Variants in TMEM33 observed in about 807,000 individuals in gnomAD.
The protein encoded by TMEM33 is transmembrane protein 33.
In TMEM33, 16 loss-of-function variants were observed where a neutral mutation model predicts 29.7. The observed-to-expected ratio is 0.54, with a 90% confidence interval of 0.36 to 0.82. The LOEUF (loss-of-function observed/expected upper bound fraction) is 0.82. TMEM33 is among the 40% of genes least tolerant of loss of function. The pLI is 0.00. For missense variants in TMEM33, 252 were observed against 295.3 expected (o/e 0.85, Z 1.08); for synonymous variants, 112 against 109.4 (o/e 1.02, Z -0.15).
intron 6 of TMEM33, among the ~76,000 whole-genome samples, chr4:41,950,005 G>A (rs1712967985): frequency 6.6e-6 from 1 of 152,096 alleles, no homozygotes; most frequent in South Asian, 2.1e-4. Context: ...AGATTAGAAA[G>A]GTATATTGGA....
intron 3 of TMEM33, among the ~76,000 whole-genome samples, chr4:41,941,573 A>T (rs1398857691): frequency 6.6e-6 from 1 of 152,204 alleles, no homozygotes; most frequent in African/African-American, 2.4e-5. Context: ...CTGGTGAAGA[A>T]AACCTTTCTG....
At chr4:41,937,091 A>G (rs1346517863) in intron 1 of TMEM33, among the ~76,000 whole-genome samples, 1 of 147,308 alleles carries the variant, frequency 6.8e-6, no homozygotes, top group African/African-American at 2.5e-5. Flanking sequence ...TGGACAGTTT[A>G]CTCTTAAAAA....
rs924489616 is a variant in TMEM33, at chr4:41,956,746, A to G, written c.*2547A>G. On this transcript the variant is annotated 3_prime_UTR_variant, in exon 7 of 7. Transcript: ENST00000504986. The stretch of plus-strand genomic sequence containing the variant: ...ATACTCATGTTTGACAAGTTGAAAC[A>G]GATTTGTTTCTTAAAGGAAGGTTTA... The G allele has an allele frequency of 2.6e-5, 4 of 152,228 alleles. No individual in the cohort carries two copies. The highest frequency in any genetic ancestry group is 9.6e-5 in the African/African-American group (4 of 41,476). 9.4% of individuals were successfully genotyped at this position (152,228 alleles called of 1,614,324 possible).
rs1240048296 is a variant in TMEM33, at chr4:41,959,861, T to C, written c.*5662T>C. The C allele has an allele frequency of 2.6e-5, 4 of 152,206 alleles. No homozygotes were observed. Among genetic ancestry groups the C allele is most frequent in the Non-Finnish European group, 4.4e-5 (3 of 68,032 alleles). The allele number at this position is 152,206 out of a possible 1,614,324, so 9.4% of individuals were successfully genotyped here. The stretch of plus-strand genomic sequence containing the variant: ...TAAAGGCATTACTTTTGGTGCTTTA[T>C]ATAATGGCATATATTGAACTAAAAA... On this transcript the variant is annotated 3_prime_UTR_variant, in exon 7 of 7. Transcript: ENST00000504986.
In TMEM33 at chr4:41,939,280, A is replaced by G; in HGVS notation, c.225A>G (p.Pro75=). The change falls in exon 3 of 7, where the codon CCA becomes CCG. Residue 75 remains proline (P), a synonymous_variant. Transcript: ENST00000504986. The stretch of plus-strand genomic sequence containing the variant: ...CTCTGAGGCTGCATCAAAGATTACC[A>G]CACTTCCAGTTAAGCAGAGCATTCC... ...TSALRLHQRL[P]HFQLSRAFLA... The G allele has an allele frequency of 6.2e-7, 1 of 1,613,794 alleles. No homozygotes were observed. Among genetic ancestry groups the G allele is most frequent in the Non-Finnish European group, 8.5e-7 (1 of 1,179,918 alleles).
At chr4:41,943,686 A>G (rs1344764537) in intron 3 of TMEM33, 61 bp from the exon 4 acceptor site, 5 of 1,445,002 alleles carry the variant, frequency 3.5e-6, no homozygotes, top group Non-Finnish European at 4.9e-6. Flanking sequence ...GACATAATAC[A>G]TAGTCTGTTT....
intron 2 of TMEM33, 83 bp from the exon 3 acceptor site, chr4:41,939,113 C>T (rs1318166221): frequency 2.9e-6 from 4 of 1,357,134 alleles, no homozygotes; most frequent in Non-Finnish European, 4.0e-6. Context: ...AGGTGTTGTG[C>T]AATTATGATG....
At position 41,954,801 on chromosome 4, in the gene TMEM33, C is replaced by G. The variant is rs1713191091; in HGVS notation, c.*602C>G. The G allele has an allele frequency of 6.6e-6, 1 of 152,556 alleles. No individual in the cohort carries two copies. The highest frequency in any genetic ancestry group is 1.5e-5 in the Non-Finnish European group (1 of 68,034). The allele number at this position is 152,556 out of a possible 1,614,324, so 9.5% of individuals were successfully genotyped here. A position where few individuals can be genotyped will look rare whatever the true frequency, so the allele number is the denominator to read the frequency against. The stretch of plus-strand genomic sequence containing the variant: ...TAAAATTTTATTTCCGTAAGTACTT[C>G]TGTGGCCTTGAGTATTTTTTAAAAG... On this transcript the variant is annotated 3_prime_UTR_variant, in exon 7 of 7. Coordinates refer to ENST00000504986, the MANE Select transcript of TMEM33 (RefSeq NM_018126.3).
In TMEM33 at chr4:41,959,652, A is replaced by G. The variant is rs905013742; in HGVS notation, c.*5453A>G. 1.3e-5 allele frequency: 2 copies of G among 152,064 alleles called. No homozygotes were observed. The highest frequency in any genetic ancestry group is 2.4e-5 in the African/African-American group (1 of 41,408). The allele number at this position is 152,064 out of a possible 1,614,324, so 9.4% of individuals were successfully genotyped here. The stretch of plus-strand genomic sequence containing the variant: ...GACAGTTTAATTCCAAATATTTACT[A>G]TTTTCTCTTGTAACTGTTAGAACAG... On this transcript the variant is annotated 3_prime_UTR_variant, in exon 7 of 7. Coordinates refer to ENST00000504986, the MANE Select transcript of TMEM33 (RefSeq NM_018126.3).
chr4:41,954,255 TCTG>T lies in TMEM33; in HGVS notation c.*59_*61del. 6.3e-7 allele frequency: 1 copy of T among 1,578,526 alleles called. No individual in the cohort carries two copies. ...ATAAGCATTATTAGCAGCTGGTACT[TCTG>T]CTAGGGGTTGTAAATTCCAGGTGTT... On this transcript the variant is annotated 3_prime_UTR_variant, in exon 7 of 7. Transcript: ENST00000504986.
chr4:41,940,237 G>A (rs554232430), intron 3 of TMEM33, among the ~76,000 whole-genome samples: 2 of 151,918 alleles, frequency 1.3e-5, no homozygotes, highest in African/African-American at 4.8e-5. Context: ...AAGAGAGTTA[G>A]TAGGGTTTTT....
rs778420010 is a variant in TMEM33, at chr4:41,949,437, T to C, written c.614+52T>C. 9 of 1,394,700 alleles carry C rather than the reference T, an allele frequency of 6.5e-6. No individual in the cohort carries two copies. The South Asian group carries it at 1.1e-4, about 17-fold the overall frequency. The allele number at this position is 1,394,700 out of a possible 1,614,324, so 86.4% of individuals were successfully genotyped here. A position where few individuals can be genotyped will look rare whatever the true frequency, so the allele number is the denominator to read the frequency against. On this transcript the variant is annotated intron_variant, in intron 6 of 6. Coordinates refer to ENST00000504986, the MANE Select transcript of TMEM33 (RefSeq NM_018126.3). ...TTTTATTTGTTGAGAGTATTGTGAA[T>C]ATATAGTATTCGCAATTCTTAAGAG... is the stretch of plus-strand genomic sequence containing the variant.
In TMEM33 at chr4:41,949,485, T is replaced by C. The variant is rs1251205103; in HGVS notation, c.614+100T>C. ...GAGTTACTTAGCTAATGTGTTAGAC[T>C]TTAGAAGCAAGCAGTGTTTTTGTAA... On this transcript the variant is annotated intron_variant, in intron 6 of 6. Transcript: ENST00000504986. 3.2e-6 allele frequency: 3 copies of C among 932,716 alleles called. No homozygotes were observed. The East Asian group carries it at 8.0e-5, about 25-fold the overall frequency. 57.8% of individuals were successfully genotyped at this position (932,716 alleles called of 1,614,324 possible).
intron 5 of TMEM33, among the ~76,000 whole-genome samples, chr4:41,946,867 G>A (rs892160651): frequency 6.6e-6 from 1 of 151,902 alleles, no homozygotes; most frequent in African/African-American, 2.4e-5. Flanking sequence ...TCGGGTTTTT[G>A]TGTCACTTAA....
chr4:41,940,115 C>T (rs988577963), intron 3 of TMEM33, among the ~76,000 whole-genome samples: 4 of 142,388 alleles, frequency 2.8e-5, no homozygotes, highest in Non-Finnish European at 4.5e-5. Context: ...GCCTCTGCCT[C>T]CCAAAGTGCT....
At chr4:41,951,155 T>C (rs1713022612) in intron 6 of TMEM33, among the ~76,000 whole-genome samples, 1 of 152,202 alleles carries the variant, frequency 6.6e-6, no homozygotes, top group Admixed American at 6.5e-5. Flanking sequence ...TGGTTTCAGT[T>C]GTTTTTGGAT....
At chr4:41,938,511 TATTTTG>T (rs1366918220) in intron 1 of TMEM33, 85 bp from the exon 2 acceptor site, 1 of 1,186,248 alleles carries the variant, frequency 8.4e-7, no homozygotes, top group Non-Finnish European at 1.2e-6. Flanking sequence ...AAGATTAAAA[TATTTTG>T]AGTAGACATA....
At chr4:41,951,399 T>G (rs2153127829) in intron 6 of TMEM33, among the ~76,000 whole-genome samples, 1 of 152,300 alleles carries the variant, frequency 6.6e-6, no homozygotes. Flanking sequence ...TGACTGGTCC[T>G]TCAGCACAGA....
rs1362340740 is a variant in TMEM33, at chr4:41,959,382, C to G, written c.*5183C>G. The G allele has an allele frequency of 6.6e-6, 1 of 152,150 alleles. No individual in the cohort carries two copies. The highest frequency in any genetic ancestry group is 1.5e-5 in the Non-Finnish European group (1 of 68,024). 9.4% of individuals were successfully genotyped at this position (152,150 alleles called of 1,614,324 possible). ...CCTCTTGTGCGTGTAGGAAATCTGA[C>G]CTGCAGTGTCAGTTGATGTGACAAG... On this transcript the variant is annotated 3_prime_UTR_variant, in exon 7 of 7. Coordinates refer to ENST00000504986, the MANE Select transcript of TMEM33 (RefSeq NM_018126.3).
Sources: gnomAD v4.1 joint callset for allele counts (sites outside exome capture counted in the v4.1 genomes callset) on GRCh38, gnomAD v4.1.1 for gene constraint, MANE v1.5 for transcripts, NCBI Gene and HGNC (gene_info 2026-07-23, HGNC 2026-07-21) for gene names.